Variants in PRKD1 observed in about 807,000 individuals in gnomAD.
PRKD1 encodes protein kinase D1, also known as serine/threonine-protein kinase D1.
Under a neutral mutation model 95.9 loss-of-function variants are expected in PRKD1, and 63 were observed. That is an observed-to-expected ratio of 0.66 (90% CI 0.54 to 0.81). The LOEUF is 0.81. Among genes scored for constraint, PRKD1 ranks in the 30% least tolerant of loss-of-function variants. PRKD1 has a pLI of 0.00. For missense variants in PRKD1, 1,048 were observed against 1,165.3 expected (o/e 0.90, Z 1.47); for synonymous variants, 425 against 423.1 (o/e 1.00, Z -0.05).
intron 2 of PRKD1, among the ~76,000 whole-genome samples, chr14:29,695,600 G>C (rs1477552805): frequency 1.3e-5 from 2 of 152,246 alleles, no homozygotes; most frequent in Non-Finnish European, 2.9e-5. Flanking sequence ...GAGCCTAAGA[G>C]CTGCAGGTCT....
At chr14:29,878,855 T>C (rs1364747813) in intron 1 of PRKD1, among the ~76,000 whole-genome samples, 2 of 152,138 alleles carry the variant, frequency 1.3e-5, no homozygotes, top group African/African-American at 4.8e-5. Flanking sequence ...AGAATATATT[T>C]AATATTACTA....
chr14:29,903,618 A>G (rs1373861262), intron 1 of PRKD1, among the ~76,000 whole-genome samples: 1 of 152,234 alleles, frequency 6.6e-6, no homozygotes, highest in African/African-American at 2.4e-5. Flanking sequence ...GATGTTCTCC[A>G]AAAGCCATTC....
chr14:29,675,907 C>T (rs1278048391), intron 2 of PRKD1, among the ~76,000 whole-genome samples: 2 of 146,780 alleles, frequency 1.4e-5, no homozygotes, highest in Admixed American at 7.1e-5. Context: ...CATGTTCTCA[C>T]TCATAGGTGG....
At chr14:29,848,237 T>C (rs905794860) in intron 1 of PRKD1, among the ~76,000 whole-genome samples, 2 of 152,044 alleles carry the variant, frequency 1.3e-5, no homozygotes, top group Non-Finnish European at 2.9e-5. Flanking sequence ...TGATTGCTGA[T>C]TGCTGCTTCT....
rs181246877 is a variant in PRKD1, at chr14:29,590,028, A to G, written c.2434+7463T>C. 9.8e-5 allele frequency among the ~76,000 whole-genome samples: 15 copies of G among 152,312 alleles called. No homozygotes were observed. In the East Asian group the frequency reaches 2.7e-3, roughly 27 times the overall value. ...ATCAGTGCTGGTCTGAATTGTTTAT[A>G]ATCAGTCAATGATGAGATAAGTATA... is the stretch of plus-strand genomic sequence containing the variant. On this transcript the variant is annotated intron_variant, in intron 16 of 17. Transcript: ENST00000331968.
chr14:29,839,878 C>G (rs985317902), intron 1 of PRKD1, among the ~76,000 whole-genome samples: 1 of 152,060 alleles, frequency 6.6e-6, no homozygotes, highest in African/African-American at 2.4e-5. Flanking sequence ...CCCTAGGCTG[C>G]ACACAGCATG....
At chr14:29,837,182 A>C (rs1594564499) in intron 1 of PRKD1, among the ~76,000 whole-genome samples, 1 of 152,180 alleles carries the variant, frequency 6.6e-6, no homozygotes, top group Admixed American at 6.6e-5. Flanking sequence ...GCAACTAAGT[A>C]CCCTTCTTTC....
At chr14:29,922,618 T>TC (rs1360521338) in intron 1 of PRKD1, among the ~76,000 whole-genome samples, 1 of 152,138 alleles carries the variant, frequency 6.6e-6, no homozygotes, top group Non-Finnish European at 1.5e-5. Flanking sequence ...GCACAGTGGC[T>TC]CATGCCTGCA....
chr14:29,637,154 C>A (rs1880439507), intron 6 of PRKD1, among the ~76,000 whole-genome samples: 1 of 152,038 alleles, frequency 6.6e-6, no homozygotes, highest in Admixed American at 6.5e-5. Context: ...ATTTTAGAAG[C>A]ACAGCCCTGG....
chr14:29,691,254 T>C (rs572388562), intron 2 of PRKD1, among the ~76,000 whole-genome samples: 20 of 152,222 alleles, frequency 1.3e-4, no homozygotes, highest in Non-Finnish European at 2.5e-4. Context: ...ACCAGGCCAG[T>C]TCCCATGGCC....
At chr14:29,641,338 T>C (rs1880748727) in intron 4 of PRKD1, among the ~76,000 whole-genome samples, 2 of 152,218 alleles carry the variant, frequency 1.3e-5, no homozygotes. Context: ...ACCAGACTTA[T>C]CACTACCTTT....
intron 16 of PRKD1, among the ~76,000 whole-genome samples, chr14:29,581,541 CA>C (rs1892756546): frequency 6.6e-6 from 1 of 152,108 alleles, no homozygotes; most frequent in African/African-American, 2.4e-5. Flanking sequence ...ATTTGAAACC[CA>C]GGGGGACTGG....
At chr14:29,675,900 G>A (rs1167852884) in intron 2 of PRKD1, among the ~76,000 whole-genome samples, 4 of 146,732 alleles carry the variant, frequency 2.7e-5, no homozygotes, top group Non-Finnish European at 5.9e-5. Context: ...AACACCGCAT[G>A]TTCTCACTCA....
intron 1 of PRKD1, among the ~76,000 whole-genome samples, chr14:29,749,218 C>T (rs977683303): frequency 6.6e-6 from 1 of 152,152 alleles, no homozygotes; most frequent in Non-Finnish European, 1.5e-5. Context: ...ACTATCTCTT[C>T]TCCCACTCTT....
At chr14:29,717,804 CT>C (rs1885698452) in intron 2 of PRKD1, among the ~76,000 whole-genome samples, 1 of 152,094 alleles carries the variant, frequency 6.6e-6, no homozygotes. Flanking sequence ...GGCTTCAAGA[CT>C]TTTCACTTCC....
chr14:29,815,488 A>C (rs1049328858), intron 1 of PRKD1, among the ~76,000 whole-genome samples: 2 of 152,216 alleles, frequency 1.3e-5, no homozygotes, highest in African/African-American at 4.8e-5. Context: ...TGAAAAAACA[A>C]AACAAAATGT....
chr14:29,817,245 T>C (rs542392664), intron 1 of PRKD1, among the ~76,000 whole-genome samples: 175 of 152,314 alleles, frequency 1.1e-3, no homozygotes, highest in African/African-American at 3.9e-3. Flanking sequence ...CAGGGGCCCA[T>C]TGGCACATAA....
intron 1 of PRKD1, among the ~76,000 whole-genome samples, chr14:29,915,127 T>C (rs541921266): frequency 6.6e-6 from 1 of 152,360 alleles, no homozygotes; most frequent in East Asian, 1.9e-4. Flanking sequence ...TAAATGTAAT[T>C]CTTTACATCT....
chr14:29,724,272 G>A (rs1237017697), intron 2 of PRKD1, among the ~76,000 whole-genome samples: 1 of 152,138 alleles, frequency 6.6e-6, no homozygotes, highest in Non-Finnish European at 1.5e-5. Context: ...ATTGACACAA[G>A]GCAAAAGGAC....
Sources: gnomAD v4.1 joint callset for allele counts (sites outside exome capture counted in the v4.1 genomes callset) on GRCh38, gnomAD v4.1.1 for gene constraint, MANE v1.5 for transcripts, NCBI Gene and HGNC (gene_info 2026-07-23, HGNC 2026-07-21) for gene names.